RAPGEF2: variants seen among roughly 807,000 people sequenced by gnomAD.
The protein encoded by RAPGEF2 is Rap guanine nucleotide exchange factor 2, also known as PDZ domain containing guanine nucleotide exchange factor (GEF) 1.
A neutral mutation model predicts 186.7 loss-of-function variants in RAPGEF2; 54 were observed. The observed-to-expected ratio is 0.29, with a 90% confidence interval of 0.23 to 0.36. The LOEUF (loss-of-function observed/expected upper bound fraction) is 0.36. Among genes scored for constraint, RAPGEF2 ranks in the 10% least tolerant of loss-of-function variants. RAPGEF2 has a pLI of 1.00. For synonymous variants in RAPGEF2, 712 were observed against 705.9 expected, an observed-to-expected ratio of 1.01 and a Z score of -0.14; for missense variants, 1,532 against 2,045.0, an observed-to-expected ratio of 0.75 and a Z score of 4.84.
chr4:159,326,449 A>G (rs551199087), intron 11 of RAPGEF2, among the ~76,000 whole-genome samples: 2 of 152,326 alleles, frequency 1.3e-5, no homozygotes, highest in South Asian at 4.1e-4. Flanking sequence ...TCATTATCTT[A>G]TATTTCAGGG....
chr4:159,191,867 G>A (rs550604093), intron 2 of RAPGEF2, among the ~76,000 whole-genome samples: 22 of 152,272 alleles, frequency 1.4e-4, no homozygotes, highest in African/African-American at 5.3e-4. Flanking sequence ...CCGCCCACAC[G>A]ATAGGTGATA....
chr4:159,113,000 C>T (rs1738661703), intron 1 of RAPGEF2, among the ~76,000 whole-genome samples: 1 of 152,146 alleles, frequency 6.6e-6, no homozygotes, highest in Admixed American at 6.5e-5. Context: ...CTCTGGTATT[C>T]TTAACTAAAA....
intron 3 of RAPGEF2, among the ~76,000 whole-genome samples, chr4:159,198,996 A>T (rs1749107915): frequency 6.8e-6 from 1 of 147,584 alleles, no homozygotes; most frequent in South Asian, 2.2e-4. Context: ...GAATTGCCTG[A>T]GCCCCAGCAG....
chr4:159,342,553 A>ATTTTATT (rs1554041228), intron 20 of RAPGEF2, among the ~76,000 whole-genome samples: 64 of 71,962 alleles, frequency 8.9e-4, no homozygotes, highest in East Asian at 2.2e-3. Flanking sequence ...TTTATTTTAT[A>ATTTTATT]TTATTTTATT....
At chr4:159,187,326 C>T (rs1352622371) in intron 2 of RAPGEF2, among the ~76,000 whole-genome samples, 1 of 151,644 alleles carries the variant, frequency 6.6e-6, no homozygotes, top group East Asian at 1.9e-4. Context: ...TCTGTCTCTC[C>T]CCATCCCCCT....
intron 7 of RAPGEF2, among the ~76,000 whole-genome samples, chr4:159,302,055 ATTTC>A (rs1402999404): frequency 6.6e-6 from 1 of 152,114 alleles, no homozygotes; most frequent in African/African-American, 2.4e-5. Context: ...AAGCAACGAT[ATTTC>A]TTTCTCTTTT....
chr4:159,162,669 C>A (rs1027321840), intron 1 of RAPGEF2, among the ~76,000 whole-genome samples: 1 of 151,982 alleles, frequency 6.6e-6, no homozygotes, highest in Non-Finnish European at 1.5e-5. Flanking sequence ...AAAGAAGATT[C>A]TAGATTATAG....
At chr4:159,200,127 C>CT (rs1253827131) in intron 3 of RAPGEF2, among the ~76,000 whole-genome samples, 1 of 152,030 alleles carries the variant, frequency 6.6e-6, no homozygotes, top group Non-Finnish European at 1.5e-5. Flanking sequence ...AGCTTCATAA[C>CT]TCCCAGTGTT....
chr4:159,108,786 C>T (rs966325782), intron 1 of RAPGEF2, among the ~76,000 whole-genome samples: 9 of 152,010 alleles, frequency 5.9e-5, no homozygotes, highest in South Asian at 4.2e-4. Flanking sequence ...CTTTGTTGCC[C>T]GGGCTCACTG....
chr4:159,193,078 T>A, intron 2 of RAPGEF2, 122 bp from the exon 3 acceptor site: 1 of 438,950 alleles, frequency 2.3e-6, no homozygotes, highest in Non-Finnish European at 3.8e-6. Context: ...GGCTAATAAA[T>A]GATTGTGACA....
At chr4:159,129,166 T>G (rs552615954) in intron 1 of RAPGEF2, among the ~76,000 whole-genome samples, 1 of 151,976 alleles carries the variant, frequency 6.6e-6, no homozygotes, top group African/African-American at 2.4e-5. Context: ...AATAGAAATC[T>G]TATCGCTTTC....
intron 4 of RAPGEF2, among the ~76,000 whole-genome samples, chr4:159,235,139 T>C (rs1753100132): frequency 1.3e-5 from 2 of 152,244 alleles, no homozygotes; most frequent in Non-Finnish European, 2.9e-5. Flanking sequence ...GAGAAACTTT[T>C]CAGTTCTGTG....
intron 7 of RAPGEF2, among the ~76,000 whole-genome samples, chr4:159,269,363 A>G (rs913893203): frequency 6.6e-6 from 1 of 152,198 alleles, no homozygotes; most frequent in African/African-American, 2.4e-5. Context: ...CGCTGCACCG[A>G]GAGCCCAGCC....
intron 7 of RAPGEF2, among the ~76,000 whole-genome samples, chr4:159,253,557 TCA>T (rs1181231725): frequency 1.3e-5 from 2 of 152,244 alleles, no homozygotes; most frequent in Non-Finnish European, 2.9e-5. Flanking sequence ...CAAATTATTA[TCA>T]TCTGTTTTTC....
chr4:159,287,154 T>TA (rs1339740698), intron 7 of RAPGEF2, among the ~76,000 whole-genome samples: 1 of 152,060 alleles, frequency 6.6e-6, no homozygotes, highest in Admixed American at 6.6e-5. Context: ...TAAACTTAGA[T>TA]AAAATCAAAT....
At chr4:159,169,876 A>G (rs560017003) in intron 1 of RAPGEF2, among the ~76,000 whole-genome samples, 8 of 152,286 alleles carry the variant, frequency 5.3e-5, no homozygotes, top group Non-Finnish European at 7.3e-5. Flanking sequence ...TGCAGTGAAC[A>G]TGGGAGTGCA....
chr4:159,268,347 G>T lies in RAPGEF2; in HGVS notation c.543+24556G>T, dbSNP rs151004412. On this transcript the variant is annotated intron_variant, in intron 7 of 29. Coordinates refer to ENST00000691494, the MANE Select transcript of RAPGEF2 (RefSeq NM_001394067.2). ...GTATAGTAGTCTGCTTGGAGAGGAG[G>T]GGAGGGTGCATTAAAGCTGGCTTGT... The T allele has an allele frequency of 4.5e-6, 3 of 663,608 alleles. No individual in the cohort carries two copies. In the Admixed American group the frequency reaches 9.7e-5, roughly 21 times the overall value. The allele number at this position is 663,608 out of a possible 1,614,324, so 41.1% of individuals were successfully genotyped here.
chr4:159,244,665 A>G (rs1754402009), intron 7 of RAPGEF2, among the ~76,000 whole-genome samples: 1 of 151,928 alleles, frequency 6.6e-6, no homozygotes, highest in African/African-American at 2.4e-5. Context: ...GATCATGAAT[A>G]ATTTATTCAC....
chr4:159,307,164 C>T (rs1230891753), intron 8 of RAPGEF2, among the ~76,000 whole-genome samples: 2 of 151,994 alleles, frequency 1.3e-5, no homozygotes, highest in East Asian at 3.9e-4. Context: ...CATGAAATAA[C>T]CGTAAAAATA....
Sources: allele counts gnomAD v4.1 joint callset (sites outside exome capture counted in the v4.1 genomes callset), GRCh38; gene constraint gnomAD v4.1.1; transcripts MANE v1.5; gene names NCBI Gene and HGNC (gene_info 2026-07-23, HGNC 2026-07-21).